Variants in OR7C1 observed in about 807,000 individuals in gnomAD.
OR7C1 encodes olfactory receptor 7C1.
For synonymous variants in OR7C1, 152 were observed against 160.7 expected (o/e 0.95, Z 0.41); for missense variants, 324 against 383.3 (o/e 0.85, Z 1.29).
intron 2 of OR7C1, among the ~76,000 whole-genome samples, chr19:14,807,882 C>T (rs975611828): frequency 2.0e-5 from 3 of 148,254 alleles, no homozygotes; most frequent in African/African-American, 5.1e-5. Flanking sequence ...GGTGATAGAG[C>T]GAGACTCAGT....
chr19:14,798,944 A>AATT, exon 5 of OR7C1: 1 of 424,054 alleles, frequency 2.4e-6, no homozygotes, highest in African/African-American at 2.0e-5. Flanking sequence ...TCGATTTTTC[A>AATT]GGCTGTTCTT....
exon 5 of OR7C1, chr19:14,799,585 G>T (rs1045555549): frequency 6.2e-7 from 1 of 1,614,172 alleles, no homozygotes; most frequent in Admixed American, 1.7e-5. Context: ...CGAGCTTCAG[G>T]ACTTCAAGTA....
intron 1 of OR7C1, among the ~76,000 whole-genome samples, chr19:14,834,428 T>C (rs529675891): frequency 6.6e-6 from 1 of 152,308 alleles, no homozygotes; most frequent in African/African-American, 2.4e-5. Context: ...GTGAGTTGTT[T>C]AGAAGCATCA....
At chr19:14,813,817 C>T (rs112646920) in intron 1 of OR7C1, among the ~76,000 whole-genome samples, 5,540 of 152,100 alleles carry the variant, frequency 0.036, 337 homozygotes, top group African/African-American at 0.13. Flanking sequence ...GACCCAATCA[C>T]CTCCCACCAG....
rs192909426 is a variant in OR7C1 at position 14,816,449 on chromosome 19, C to T, written c.-622-6456G>A. 5.8e-4 allele frequency among the ~76,000 whole-genome samples: 89 copies of T among 152,294 alleles called. No homozygotes were observed. In the Middle Eastern group the frequency reaches 0.01, roughly 17 times the overall value. ...GCAGGCAGAAGAAATTGGAAGGAGCCGACTTGCTGAGTCTTCCAGCTTTCG... is the reference window on the plus strand; with the variant it reads ...GCAGGCAGAAGAAATTGGAAGGAGCTGACTTGCTGAGTCTTCCAGCTTTCG... On this transcript the variant is annotated intron_variant, in intron 1 of 4. Transcript: ENST00000641666.
intron 1 of OR7C1, among the ~76,000 whole-genome samples, chr19:14,812,605 G>A (rs763694945): frequency 2.6e-5 from 4 of 151,572 alleles, no homozygotes; most frequent in Non-Finnish European, 5.9e-5. Context: ...TTTCTCACTC[G>A]GGGAGCATGG....
chr19:14,808,385 T>C (rs1271302669), intron 2 of OR7C1, among the ~76,000 whole-genome samples: 1 of 151,970 alleles, frequency 6.6e-6, no homozygotes, highest in Non-Finnish European at 1.5e-5. Context: ...CACCAATGTA[T>C]GATTGGATAA....
At chr19:14,819,976 A>T (rs186599926) in intron 1 of OR7C1, among the ~76,000 whole-genome samples, 68 of 152,254 alleles carry the variant, frequency 4.5e-4, no homozygotes, top group African/African-American at 1.6e-3. Context: ...GCACAATTTC[A>T]GCTCACTGCA....
rs747652611 is a variant in OR7C1 at position 14,799,387 on chromosome 19, C to CCTCT, written c.749_750insAGAG (p.Phe251GlufsTer20). ...AGACCCCAAAGCCCGTGCCATAGAA[C>CCTCT]AAGGTGACCACTGAGAGGTGGGAAC... On this transcript the variant is annotated frameshift_variant, in exon 5 of 5. Coordinates refer to ENST00000641666, the Ensembl canonical transcript of OR7C1. LOFTEE classifies it low-confidence loss of function (END_TRUNC). The CCTCT allele has an allele frequency of 1.8e-5, 29 of 1,614,038 alleles. No homozygotes were observed. The South Asian group carries it at 2.9e-4, about 16-fold the overall frequency.
rs746385308 is a variant in OR7C1, at chr19:14,799,495, T to C, written c.642A>G (p.Ile214Met). 4.8e-5 allele frequency: 78 copies of C among 1,613,934 alleles called. No homozygotes were observed. The highest frequency in any genetic ancestry group is 6.4e-5 in the Non-Finnish European group (76 of 1,180,016). Residue 214 changes from isoleucine (I) to methionine (M), a missense_variant, in exon 5 of 5, where the codon ATA becomes ATG. Physicochemically the swap from Ile to Met is conservative, Grantham distance 10. Coordinates refer to ENST00000641666, the Ensembl canonical transcript of OR7C1. ...AAACAATTTTATAGTAAGAGAAAAA[T>C]ATTCCAGTGAAGGAAATCACACCCA...
chr19:14,811,051 AG>A (rs2044688759), intron 1 of OR7C1, among the ~76,000 whole-genome samples: 1 of 151,862 alleles, frequency 6.6e-6, no homozygotes, highest in African/African-American at 2.4e-5. Flanking sequence ...TACATATTTT[AG>A]GCTTTTTGGG....
intron 1 of OR7C1, among the ~76,000 whole-genome samples, chr19:14,816,194 A>G (rs1473908283): frequency 2.0e-5 from 3 of 152,140 alleles, no homozygotes; most frequent in Non-Finnish European, 4.4e-5. Context: ...TCTACTATAT[A>G]CCCACAAAAA....
At chr19:14,817,517 C>T (rs763680648) in intron 1 of OR7C1, among the ~76,000 whole-genome samples, 4 of 152,156 alleles carry the variant, frequency 2.6e-5, no homozygotes, top group Non-Finnish European at 5.9e-5. Context: ...TTCAGACTTC[C>T]ATCTGGAGAT....
At chr19:14,834,917 A>G (rs1253794224) in intron 1 of OR7C1, among the ~76,000 whole-genome samples, 157 bp downstream of exon 1, 3 of 152,220 alleles carry the variant, frequency 2.0e-5, no homozygotes, top group Non-Finnish European at 1.5e-5. Flanking sequence ...ATAAAACGAG[A>G]CATTACTTAG....
chr19:14,832,776 GA>G (rs2044846288), intron 1 of OR7C1, among the ~76,000 whole-genome samples: 1 of 151,960 alleles, frequency 6.6e-6, no homozygotes. Flanking sequence ...ATTAAAAAAA[GA>G]ATTATAAAAT....
chr19:14,799,148 C>T, exon 5 of OR7C1: 1 of 1,561,314 alleles, frequency 6.4e-7, no homozygotes, highest in South Asian at 1.2e-5. Flanking sequence ...ACCAAAAGTG[C>T]CTCCCAATGG....
chr19:14,818,704 A>C (rs1395541738), intron 1 of OR7C1, among the ~76,000 whole-genome samples: 1 of 151,958 alleles, frequency 6.6e-6, no homozygotes. Context: ...TTTGCCATTT[A>C]GTTCTTTTTG....
At chr19:14,800,684 A>G (rs1278920791) in exon 3 of OR7C1, 1 of 152,298 alleles carries the variant, frequency 6.6e-6, no homozygotes, top group Non-Finnish European at 1.5e-5. Flanking sequence ...GGCAGGAACT[A>G]AGGACTAGAA....
intron 1 of OR7C1, chr19:14,828,255 C>A: frequency 6.2e-7 from 1 of 1,600,194 alleles, no homozygotes; most frequent in South Asian, 1.1e-5. Context: ...ATTGAAGTGA[C>A]TATCAGAGAG....
Sources: allele counts gnomAD v4.1 joint callset (sites outside exome capture counted in the v4.1 genomes callset), GRCh38; gene constraint gnomAD v4.1.1; transcripts MANE v1.5; gene names NCBI Gene and HGNC (gene_info 2026-07-23, HGNC 2026-07-21).